MAGI2: variants seen among roughly 807,000 people sequenced by gnomAD.
The protein encoded by MAGI2 is membrane associated guanylate kinase, WW and PDZ domain containing 2.
MAGI2 carries 35 observed loss-of-function variants against 133.3 expected under a neutral mutation model. The observed-to-expected ratio is 0.26, with a 90% CI of 0.20 to 0.35. The LOEUF (loss-of-function observed/expected upper bound fraction) is 0.35. Among genes scored for constraint, MAGI2 ranks in the 10% least tolerant of loss-of-function variants. The probability of loss-of-function intolerance (pLI) is 1.00; values close to 1 mark genes in which losing one functional copy is unlikely to be tolerated. For synonymous variants in MAGI2, 729 were observed against 710.6 expected, an observed-to-expected ratio of 1.03 and a Z score of -0.41; for missense variants, 1,636 against 1,863.4, an observed-to-expected ratio of 0.88 and a Z score of 2.25.
At chr7:78,222,874 A>G (rs1181120147) in intron 10 of MAGI2, among the ~76,000 whole-genome samples, 2 of 152,234 alleles carry the variant, frequency 1.3e-5, no homozygotes, top group Admixed American at 6.5e-5. Context: ...GGAAAACCAA[A>G]TAATTAACAC....
At chr7:79,036,331 T>C (rs138174122) in intron 1 of MAGI2, among the ~76,000 whole-genome samples, 74 of 152,334 alleles carry the variant, frequency 4.9e-4, no homozygotes, top group African/African-American at 1.7e-3. Context: ...TGGATAGATG[T>C]TAGATTCATT....
chr7:79,260,623 C>A (rs1411559141), intron 1 of MAGI2, among the ~76,000 whole-genome samples: 1 of 152,064 alleles, frequency 6.6e-6, no homozygotes, highest in Non-Finnish European at 1.5e-5. Flanking sequence ...TGACATGATG[C>A]CCCAATGGAA....
chr7:79,139,088 A>G (rs2129546031), intron 1 of MAGI2, among the ~76,000 whole-genome samples: 1 of 151,900 alleles, frequency 6.6e-6, no homozygotes, highest in African/African-American at 2.4e-5. Flanking sequence ...CTAAGGGGAG[A>G]GGCCTTAGAA....
intron 1 of MAGI2, among the ~76,000 whole-genome samples, chr7:79,265,892 A>AT (rs1222156860): frequency 6.6e-6 from 1 of 152,114 alleles, no homozygotes; most frequent in Non-Finnish European, 1.5e-5. Flanking sequence ...TTCTAGTTTG[A>AT]TTTTAAACAG....
intron 3 of MAGI2, among the ~76,000 whole-genome samples, chr7:78,620,565 T>C (rs1807620633): frequency 6.6e-6 from 1 of 151,988 alleles, no homozygotes; most frequent in South Asian, 2.1e-4. Flanking sequence ...CTTAATAAAA[T>C]TGCTCAAGAA....
chr7:78,282,173 C>CTTCT (rs1479789805), intron 9 of MAGI2, among the ~76,000 whole-genome samples: 4 of 136,944 alleles, frequency 2.9e-5, no homozygotes, highest in Non-Finnish European at 6.0e-5. Flanking sequence ...TAAAAAGAAG[C>CTTCT]TTTGGAATAT....
At chr7:78,750,417 G>C (rs910138006) in intron 2 of MAGI2, among the ~76,000 whole-genome samples, 2 of 152,146 alleles carry the variant, frequency 1.3e-5, no homozygotes, top group African/African-American at 4.8e-5. Flanking sequence ...TAATGGGATT[G>C]CTGGGTCAAA....
chr7:78,830,087 C>G (rs989386279), intron 2 of MAGI2, among the ~76,000 whole-genome samples: 18 of 151,990 alleles, frequency 1.2e-4, no homozygotes, highest in African/African-American at 4.3e-4. Flanking sequence ...AATAATTTTT[C>G]TTTTATAACT....
At chr7:78,944,585 C>T (rs1801256185) in intron 2 of MAGI2, among the ~76,000 whole-genome samples, 2 of 152,118 alleles carry the variant, frequency 1.3e-5, no homozygotes, top group South Asian at 2.1e-4. Flanking sequence ...ATAAAAGTGA[C>T]ACTCCAGGAA....
At chr7:78,895,462 G>A (rs1797130577) in intron 2 of MAGI2, among the ~76,000 whole-genome samples, 1 of 151,842 alleles carries the variant, frequency 6.6e-6, no homozygotes, top group African/African-American at 2.4e-5. Flanking sequence ...TAATGATGAA[G>A]AACTCAAACT....
At chr7:79,398,019 A>T (rs780806382) in intron 1 of MAGI2, among the ~76,000 whole-genome samples, 67 of 152,112 alleles carry the variant, frequency 4.4e-4, no homozygotes, top group African/African-American at 1.5e-3. Flanking sequence ...ATTTATTCTC[A>T]TATGTTTTGT....
At chr7:79,408,289 T>C (rs1482882334) in intron 1 of MAGI2, among the ~76,000 whole-genome samples, 1 of 152,100 alleles carries the variant, frequency 6.6e-6, no homozygotes, top group Non-Finnish European at 1.5e-5. Flanking sequence ...TTATAATTAA[T>C]TTCATTTGTA....
intron 6 of MAGI2, among the ~76,000 whole-genome samples, chr7:78,458,188 C>T (rs530372933): frequency 1.2e-4 from 18 of 150,688 alleles, no homozygotes; most frequent in Non-Finnish European, 2.2e-4. Flanking sequence ...CCCAGCTGCT[C>T]GGGAGGCTGA....
At chr7:78,765,442 G>A (rs138773110) in intron 2 of MAGI2, among the ~76,000 whole-genome samples, 2,186 of 136,658 alleles carry the variant, frequency 0.016, 53 homozygotes, top group African/African-American at 0.056. Context: ...TCTGCCTCCC[G>A]GGTTCAAGCA....
chr7:78,690,897 CT>C (rs750702356), intron 2 of MAGI2, among the ~76,000 whole-genome samples: 8 of 152,130 alleles, frequency 5.3e-5, no homozygotes. Flanking sequence ...ATCTTAAATC[CT>C]GTGGGTTTAA....
chr7:78,385,361 G>A (rs1419084845), intron 6 of MAGI2, among the ~76,000 whole-genome samples: 5 of 152,126 alleles, frequency 3.3e-5, no homozygotes, highest in Non-Finnish European at 5.9e-5. Flanking sequence ...GTTCCAGGTG[G>A]AGATAATATA....
chr7:79,314,666 T>C (rs2129561023), intron 1 of MAGI2, among the ~76,000 whole-genome samples: 1 of 152,346 alleles, frequency 6.6e-6, no homozygotes, highest in East Asian at 1.9e-4. Flanking sequence ...CTTGGTCTTC[T>C]GATGAGATAG....
chr7:79,318,751 C>T (rs1163717346), intron 1 of MAGI2, among the ~76,000 whole-genome samples: 2 of 152,070 alleles, frequency 1.3e-5, no homozygotes, highest in African/African-American at 2.4e-5. Context: ...TCTCACACGA[C>T]GTTGAAAAAA....
chr7:78,702,181 T>C (rs532550763), intron 2 of MAGI2, among the ~76,000 whole-genome samples: 5 of 152,124 alleles, frequency 3.3e-5, no homozygotes, highest in Admixed American at 1.3e-4. Context: ...TAATGGGAAA[T>C]ACATTATTCA....
Sources: gnomAD v4.1 joint callset for allele counts (sites outside exome capture counted in the v4.1 genomes callset) on GRCh38, gnomAD v4.1.1 for gene constraint, MANE v1.5 for transcripts, NCBI Gene and HGNC (gene_info 2026-07-23, HGNC 2026-07-21) for gene names.